Variants in CAMTA1 observed in about 807,000 individuals in gnomAD.
CAMTA1 encodes calmodulin-binding transcription activator 1.
CAMTA1 carries 27 observed loss-of-function variants against 170.9 expected under a neutral mutation model. That is an observed-to-expected ratio of 0.16 (90% CI 0.12 to 0.22). The LOEUF is 0.22. Ranked by LOEUF, CAMTA1 falls within the 10% of genes least tolerant of loss-of-function variation. The pLI, the probability that CAMTA1 is intolerant of heterozygous loss-of-function variation, is 1.00. For missense variants in CAMTA1, 1,619 were observed against 2,217.2 expected, an observed-to-expected ratio of 0.73 and a Z score of 5.42; for synonymous variants, 833 against 891.5, an observed-to-expected ratio of 0.93 and a Z score of 1.17.
intron 3 of CAMTA1, among the ~76,000 whole-genome samples, chr1:6,916,102 G>C (rs1680723137): frequency 6.6e-6 from 1 of 152,118 alleles, no homozygotes; most frequent in Admixed American, 6.5e-5. Context: ...GCCAGAGAAG[G>C]GGACGAGAAG....
intron 5 of CAMTA1, among the ~76,000 whole-genome samples, chr1:7,402,484 G>C (rs543199844): frequency 1.3e-5 from 2 of 152,286 alleles, no homozygotes; most frequent in South Asian, 2.1e-4. Flanking sequence ...TTAGATATCT[G>C]TCCCATCGCC....
rs1198803211 is a variant in CAMTA1, at chr1:7,746,177, T to G, written c.4617+86T>G. 8 of 1,466,744 alleles carry G rather than the reference T, an allele frequency of 5.5e-6. No homozygotes were observed. The East Asian group carries it at 1.8e-4, about 34-fold the overall frequency. 90.9% of individuals were successfully genotyped at this position (1,466,744 alleles called of 1,614,324 possible). A position where few individuals can be genotyped will look rare whatever the true frequency, so the allele number is the denominator to read the frequency against. On this transcript the variant is annotated intron_variant, in intron 18 of 22. Transcript: ENST00000303635. ...GTCAGAATCATGCGAACAAAAACATTTACTATTTCTTTTTTTCCTCTGAAT... is the reference window on the plus strand; with the variant it reads ...GTCAGAATCATGCGAACAAAAACATGTACTATTTCTTTTTTTCCTCTGAAT...
intron 5 of CAMTA1, among the ~76,000 whole-genome samples, chr1:7,345,192 CTTCT>C (rs1315183777): frequency 3.3e-5 from 5 of 152,176 alleles, no homozygotes; most frequent in Admixed American, 1.3e-4. Context: ...AGCTTTTCAG[CTTCT>C]TTAAGATGTC....
chr1:7,645,271 C>A (rs2148974524), intron 7 of CAMTA1, among the ~76,000 whole-genome samples: 1 of 152,352 alleles, frequency 6.6e-6, no homozygotes, highest in Middle Eastern at 3.4e-3. Context: ...TCTAAACTGC[C>A]ATGCCCCAAA....
intron 6 of CAMTA1, among the ~76,000 whole-genome samples, chr1:7,513,032 G>T (rs1049993876): frequency 3.9e-5 from 6 of 152,172 alleles, no homozygotes; most frequent in African/African-American, 1.4e-4. Context: ...AATCTGGTGG[G>T]TTTTGAGTGA....
intron 5 of CAMTA1, among the ~76,000 whole-genome samples, chr1:7,400,710 G>A (rs74055419): frequency 0.014 from 2,091 of 152,180 alleles, 49 homozygotes; most frequent in African/African-American, 0.047. Context: ...TTCCAGGTAG[G>A]CACAGTAGTA....
At chr1:7,378,451 G>A (rs1424562201) in intron 5 of CAMTA1, among the ~76,000 whole-genome samples, 5 of 152,182 alleles carry the variant, frequency 3.3e-5, no homozygotes, top group African/African-American at 1.2e-4. Flanking sequence ...ATGAACCCAC[G>A]CTACCACCAG....
In CAMTA1 at chr1:7,736,649, A is replaced by T. The variant is rs771405665; in HGVS notation, c.3263+109A>T. The T allele has an allele frequency of 7.5e-5, 82 of 1,099,974 alleles. No individual in the cohort carries two copies. The Admixed American group carries it at 1.1e-3, about 15-fold the overall frequency. The allele number at this position is 1,099,974 out of a possible 1,614,324, so 68.1% of individuals were successfully genotyped here. ...AATCTACCCATTCAGTCCACTTTATAGCCGGCGAGCAAAGGGCTTTGTCCT... is the reference window on the plus strand; with the variant it reads ...AATCTACCCATTCAGTCCACTTTATTGCCGGCGAGCAAAGGGCTTTGTCCT... On this transcript the variant is annotated intron_variant, in intron 13 of 22. Coordinates refer to ENST00000303635, the MANE Select transcript of CAMTA1 (RefSeq NM_015215.4). The surrounding 1 kb of genome is among the most constrained non-coding windows in gnomAD (Gnocchi z 4.5).
At chr1:7,085,389 T>G (rs1412550613) in intron 3 of CAMTA1, among the ~76,000 whole-genome samples, 1 of 152,252 alleles carries the variant, frequency 6.6e-6, no homozygotes, top group Non-Finnish European at 1.5e-5. Context: ...CCTTCAGCTC[T>G]GCTGTGTCAG....
chr1:7,605,886 G>A (rs1173671889), intron 6 of CAMTA1, among the ~76,000 whole-genome samples: 3 of 152,196 alleles, frequency 2.0e-5, no homozygotes, highest in Non-Finnish European at 4.4e-5. Flanking sequence ...CCGCCAGAAG[G>A]GCTGGGTTCT....
At chr1:7,510,049 GC>G (rs937498139) in intron 6 of CAMTA1, among the ~76,000 whole-genome samples, 2 of 108,690 alleles carry the variant, frequency 1.8e-5, no homozygotes, top group Admixed American at 1.8e-4. Flanking sequence ...GGCCATCCAG[GC>G]CCCCTTTGTA....
At chr1:6,958,964 GTAAT>G (rs1276644821) in intron 3 of CAMTA1, among the ~76,000 whole-genome samples, 3 of 152,158 alleles carry the variant, frequency 2.0e-5, no homozygotes, top group Non-Finnish European at 4.4e-5. Context: ...TGATAATGCT[GTAAT>G]TAGATTTGAG....
At chr1:6,949,687 A>T (rs1390973479) in intron 3 of CAMTA1, among the ~76,000 whole-genome samples, 1 of 152,248 alleles carries the variant, frequency 6.6e-6, no homozygotes, top group East Asian at 1.9e-4. Context: ...CCTTGGGCAA[A>T]TTTTTTAGTA....
chr1:7,419,685 C>T (rs991930206), intron 5 of CAMTA1, among the ~76,000 whole-genome samples: 1 of 152,180 alleles, frequency 6.6e-6, no homozygotes, highest in Non-Finnish European at 1.5e-5. Flanking sequence ...TGGACGTTTG[C>T]ATTTCAAACT....
chr1:7,016,269 G>A (rs1001388591), intron 3 of CAMTA1, among the ~76,000 whole-genome samples: 1 of 152,110 alleles, frequency 6.6e-6, no homozygotes, highest in Non-Finnish European at 1.5e-5. Context: ...CAGTGGCTGG[G>A]TACGCGTCCT....
rs1330803806 is a variant in CAMTA1 at position 7,445,809 on chromosome 1, G to A, written c.439-22021G>A. On this transcript the variant is annotated intron_variant, in intron 5 of 22. Transcript: ENST00000303635. Reference sequence around the variant, plus strand: ...TCTCAATTTGCTGCTGCTACAGAGGGCCAGGGGTAGCATCACTGAGGCTAG... The same window carrying A: ...TCTCAATTTGCTGCTGCTACAGAGGACCAGGGGTAGCATCACTGAGGCTAG... 2.0e-5 allele frequency among the ~76,000 whole-genome samples: 3 copies of A among 152,306 alleles called. No individual in the cohort carries two copies. In the East Asian group the frequency reaches 5.8e-4, roughly 29 times the overall value.
At chr1:7,470,601 T>G (rs1245016778) in intron 6 of CAMTA1, among the ~76,000 whole-genome samples, 1 of 151,552 alleles carries the variant, frequency 6.6e-6, no homozygotes, top group African/African-American at 2.4e-5. Context: ...GGAAAGGGAG[T>G]GATGGGCTGG....
chr1:7,658,110 C>T (rs61276069), intron 7 of CAMTA1, among the ~76,000 whole-genome samples: 302 of 152,274 alleles, frequency 2.0e-3, no homozygotes, highest in African/African-American at 6.9e-3. Context: ...GCCTGAAGGC[C>T]GAAGCCAGAG....
At chr1:7,242,575 TA>T (rs1411788981) in intron 4 of CAMTA1, among the ~76,000 whole-genome samples, 1 of 152,040 alleles carries the variant, frequency 6.6e-6, no homozygotes, top group East Asian at 1.9e-4. Flanking sequence ...ATGTGAGGGG[TA>T]AACCCATTTT....
Sources: gnomAD v4.1 joint callset for allele counts (sites outside exome capture counted in the v4.1 genomes callset) on GRCh38, gnomAD v4.1.1 for gene constraint, Gnocchi (gnomAD v3.1) non-coding constraint, MANE v1.5 for transcripts, NCBI Gene and HGNC (gene_info 2026-07-23, HGNC 2026-07-21) for gene names.